Variants in POU2F1 observed in about 807,000 individuals in gnomAD.
The protein encoded by POU2F1 is POU domain, class 2, transcription factor 1.
In POU2F1, 16 loss-of-function variants were observed where a neutral mutation model predicts 84.9. That is an observed-to-expected ratio of 0.19 (90% CI 0.13 to 0.29). The LOEUF is 0.29. Ranked by LOEUF, POU2F1 falls within the 10% of genes least tolerant of loss-of-function variation. POU2F1 has a pLI of 1.00. For synonymous variants in POU2F1, 368 were observed against 368.3 expected (o/e 1.00, Z 0.01); for missense variants, 738 against 942.6 (o/e 0.78, Z 2.84).
intron 3 of POU2F1, among the ~76,000 whole-genome samples, chr1:167,368,062 A>G (rs1381670446): frequency 6.6e-6 from 1 of 152,184 alleles, no homozygotes; most frequent in Non-Finnish European, 1.5e-5. Flanking sequence ...TTTAACATTG[A>G]TACGATATCA....
Position 167,412,198 on chromosome 1 carries a change from G to T in POU2F1, c.1795G>T (p.Ala599Ser), listed in dbSNP as rs1383668895. Residue 599 changes from alanine (A) to serine (S), a missense_variant, in exon 14 of 16, where the codon GCC becomes TCC. Physicochemically the swap from Ala to Ser is moderately conservative, Grantham distance 99. Coordinates refer to ENST00000367866, the MANE Select transcript of POU2F1 (RefSeq NM_002697.4). Reference sequence around the variant, plus strand: ...AGGTTTGCAAACAGCAGCAGCTGCTGCCCTTCAAGGAGCTGCACAGTTGCC... The same window carrying T: ...AGGTTTGCAAACAGCAGCAGCTGCTTCCCTTCAAGGAGCTGCACAGTTGCC... The part of the protein sequence containing the change: ...ASGLQTAAAA[A>S]LQGAAQLPAN... The T allele has an allele frequency of 1.2e-6, 2 of 1,613,030 alleles. No individual in the cohort carries two copies. Among genetic ancestry groups the T allele is most frequent in the African/African-American group, 2.7e-5 (2 of 74,894 alleles).
At chr1:167,267,328 A>G (rs1351674059) in intron 1 of POU2F1, among the ~76,000 whole-genome samples, 1 of 151,992 alleles carries the variant, frequency 6.6e-6, no homozygotes, top group Non-Finnish European at 1.5e-5. Context: ...TACTAAATGT[A>G]ATGGGAATAG....
chr1:167,412,322 C>T lies in POU2F1; in HGVS notation c.1901+18C>T, dbSNP rs1454442903. ...GCGGCTGGGTAAGGCGCTTTCTCAT[C>T]TCATTCACGTCTGAGGTGGAGGTCA... On this transcript the variant is annotated intron_variant, in intron 14 of 15. Coordinates refer to ENST00000367866, the MANE Select transcript of POU2F1 (RefSeq NM_002697.4). 1 of 1,513,706 alleles carries T rather than the reference C, an allele frequency of 6.6e-7. No homozygotes were observed. The highest frequency in any genetic ancestry group is 1.4e-5 in the African/African-American group (1 of 72,418). 93.8% of individuals were successfully genotyped at this position (1,513,706 alleles called of 1,614,324 possible). A position where few individuals can be genotyped will look rare whatever the true frequency, so the allele number is the denominator to read the frequency against.
At chr1:167,263,237 C>T (rs749846091) in intron 1 of POU2F1, among the ~76,000 whole-genome samples, 10 of 152,050 alleles carry the variant, frequency 6.6e-5, no homozygotes, top group African/African-American at 1.7e-4. Context: ...AAAAACATGT[C>T]GGCCGAGTGT....
rs141034916 is a variant in POU2F1, at chr1:167,371,936, C to T, written c.302C>T (p.Ser101Leu). 7.9e-5 allele frequency: 127 copies of T among 1,613,994 alleles called. No individual in the cohort carries two copies. The highest frequency in any genetic ancestry group is 1.1e-4 in the African/African-American group (8 of 74,916). The change falls in exon 5 of 16, where the codon TCG (serine) becomes TTG (leucine). Residue 101 changes from serine to leucine, a missense_variant. By Grantham distance (145) the Ser-to-Leu change is moderately radical. This residue lies in a region of POU2F1 where 161 missense variants were observed against 147.0 expected (regional missense o/e 1.10). Transcript: ENST00000367866. ...LNVQSKSNEE[S>L]GDSQQPSQPS... Reference sequence around the variant, plus strand: ...CCTCAGTCTAAATCTAATGAAGAATCGGGGGATTCGCAGCAGCCAAGCCAG... The same window carrying T: ...CCTCAGTCTAAATCTAATGAAGAATTGGGGGATTCGCAGCAGCCAAGCCAG...
At chr1:167,346,960 C>G (rs1342894714) in intron 2 of POU2F1, among the ~76,000 whole-genome samples, 1 of 152,216 alleles carries the variant, frequency 6.6e-6, no homozygotes, top group Admixed American at 6.5e-5. Context: ...GCTCTCCACA[C>G]AAACAATCTA....
intron 1 of POU2F1, among the ~76,000 whole-genome samples, chr1:167,298,153 AAAAC>A (rs1438682332): frequency 9.2e-5 from 14 of 152,062 alleles, no homozygotes; most frequent in Middle Eastern, 3.4e-3. Context: ...AACAACAACA[AAAAC>A]AAACAAATAG....
At chr1:167,231,653 C>T (rs1306815065) in intron 1 of POU2F1, among the ~76,000 whole-genome samples, 1 of 152,066 alleles carries the variant, frequency 6.6e-6, no homozygotes, top group African/African-American at 2.4e-5. Flanking sequence ...ACATCTCTGC[C>T]CTCTCAAAAT....
intron 5 of POU2F1, among the ~76,000 whole-genome samples, chr1:167,373,533 T>A (rs967210160): frequency 1.3e-5 from 2 of 152,170 alleles, no homozygotes; most frequent in Non-Finnish European, 2.9e-5. Context: ...GGAAAGGAGA[T>A]GTAAAGTTGC....
intron 2 of POU2F1, among the ~76,000 whole-genome samples, chr1:167,356,792 C>T (rs1658965734): frequency 6.6e-6 from 1 of 152,204 alleles, no homozygotes; most frequent in Non-Finnish European, 1.5e-5. Flanking sequence ...TAACCTTGAT[C>T]CTGGGACTTT....
intron 3 of POU2F1, 71 bp downstream of exon 3, chr1:167,365,638 T>G: frequency 8.9e-7 from 1 of 1,123,890 alleles, no homozygotes; most frequent in Non-Finnish European, 1.3e-6. Context: ...CCTGAGGAAG[T>G]TATTTCAGAA....
chr1:167,236,163 G>C (rs1364151786), intron 1 of POU2F1, among the ~76,000 whole-genome samples: 1 of 151,842 alleles, frequency 6.6e-6, no homozygotes, highest in Non-Finnish European at 1.5e-5. Flanking sequence ...GAGTGCAGTG[G>C]TGTGATCTCG....
chr1:167,239,084 T>TC (rs1036542549), intron 1 of POU2F1, among the ~76,000 whole-genome samples: 1 of 151,946 alleles, frequency 6.6e-6, no homozygotes, highest in African/African-American at 2.4e-5. Context: ...AAACTTTTTT[T>TC]CCCCCCCAAA....
In POU2F1 at chr1:167,418,389, C is replaced by T. The variant is rs1650440712; in HGVS notation, c.*2579C>T. ...CTCTGTTGTAGTTAAATTTAATCTT[C>T]TATCCTGACTTGACATCTCTACCTT... On this transcript the variant is annotated 3_prime_UTR_variant, in exon 16 of 16. Transcript: ENST00000367866. 1 of 152,146 alleles carries T rather than the reference C, an allele frequency of 6.6e-6. No individual in the cohort carries two copies. Among genetic ancestry groups the T allele is most frequent in the South Asian group, 2.1e-4 (1 of 4,820 alleles). 9.4% of individuals were successfully genotyped at this position (152,146 alleles called of 1,614,324 possible). A position where few individuals can be genotyped will look rare whatever the true frequency, so the allele number is the denominator to read the frequency against.
At chr1:167,322,808 G>A (rs1656417170) in intron 1 of POU2F1, among the ~76,000 whole-genome samples, 1 of 152,222 alleles carries the variant, frequency 6.6e-6, no homozygotes, top group Non-Finnish European at 1.5e-5. Flanking sequence ...ATTAAAACGG[G>A]AAACAAAGAG....
intron 5 of POU2F1, among the ~76,000 whole-genome samples, chr1:167,373,455 G>C (rs1464307686): frequency 6.6e-6 from 1 of 152,126 alleles, no homozygotes; most frequent in Non-Finnish European, 1.5e-5. Context: ...TGTTAAACCT[G>C]GGCATTAGGG....
At position 167,229,727 on chromosome 1, in the gene POU2F1, G is replaced by C. The variant is rs572649910; in HGVS notation, c.61+8769G>C. On this transcript the variant is annotated intron_variant, in intron 1 of 15. Transcript: ENST00000367866. The stretch of plus-strand genomic sequence containing the variant: ...GAATTTTATTACTTGTGCTGCTGTA[G>C]AGAAGCAGAAGCTTTAGCAGCCGAT... Among the ~76,000 whole-genome samples the C allele has an allele frequency of 2.4e-4, 37 of 152,298 alleles. No homozygotes were observed. The South Asian group carries it at 7.2e-3, about 30-fold the overall frequency.
chr1:167,247,211 G>C (rs1279281934), intron 1 of POU2F1, among the ~76,000 whole-genome samples: 1 of 152,040 alleles, frequency 6.6e-6, no homozygotes, highest in African/African-American at 2.4e-5. Flanking sequence ...AAGTAACTGA[G>C]ACCATAGGCG....
chr1:167,343,493 T>G (rs1657989726), intron 2 of POU2F1, among the ~76,000 whole-genome samples: 1 of 152,108 alleles, frequency 6.6e-6, no homozygotes, highest in Non-Finnish European at 1.5e-5. Flanking sequence ...ATTAAAGAAT[T>G]TTTGGTATAA....
Sources: gnomAD v4.1 joint callset for allele counts (sites outside exome capture counted in the v4.1 genomes callset) on GRCh38, gnomAD v4.1.1 for gene constraint, gnomAD v4.1.1 regional missense constraint, MANE v1.5 for transcripts, NCBI Gene and HGNC (gene_info 2026-07-23, HGNC 2026-07-21) for gene names.